SEMA3A: variants seen among roughly 807,000 people sequenced by gnomAD.
SEMA3A encodes the protein semaphorin-3A.
A neutral mutation model predicts 97.9 loss-of-function variants in SEMA3A; 29 were observed. That is an observed-to-expected ratio of 0.30 (90% confidence interval 0.22 to 0.40). The LOEUF (loss-of-function observed/expected upper bound fraction) is 0.40, where lower values mean the gene tolerates loss of function less well. SEMA3A is among the 10% of genes least tolerant of loss of function. SEMA3A has a pLI of 1.00. For missense variants in SEMA3A, 763 were observed against 951.3 expected, an observed-to-expected ratio of 0.80 and a Z score of 2.60; for synonymous variants, 321 against 323.7, an observed-to-expected ratio of 0.99 and a Z score of 0.09.
At chr7:84,378,485 C>A (rs904153139) in intron 1 of SEMA3A, among the ~76,000 whole-genome samples, 16 of 152,230 alleles carry the variant, frequency 1.1e-4, no homozygotes, top group Middle Eastern at 3.4e-3. Context: ...CACATGTTCT[C>A]ACTCATAAGT....
chr7:84,207,805 C>T (rs922099601), intron 3 of SEMA3A, among the ~76,000 whole-genome samples: 10 of 151,926 alleles, frequency 6.6e-5, no homozygotes, highest in Admixed American at 3.9e-4. Flanking sequence ...CTATGGGAGG[C>T]GGGTTTCCCT....
chr7:84,316,496 A>T (rs927736349), intron 2 of SEMA3A, among the ~76,000 whole-genome samples: 12 of 152,142 alleles, frequency 7.9e-5, no homozygotes, highest in Admixed American at 3.3e-4. Flanking sequence ...TAGTTTTTGG[A>T]TCATACATAG....
At position 84,155,139 on chromosome 7, in the gene SEMA3A, G is replaced by A. The variant is rs62476998; in HGVS notation, c.113-20188C>T. ...GACTAAGTCGAGGTTTTCTCCTCAG[G>A]ATATGAACCAGTGACCTTATACTTC... On this transcript the variant is annotated intron_variant, in intron 1 of 16. Transcript: ENST00000265362. Among the ~76,000 whole-genome samples, 1,223 of 152,166 alleles carry A rather than the reference G, an allele frequency of 8.0e-3. 9 individuals carry two copies. Among genetic ancestry groups the A allele is most frequent in the Non-Finnish European group, 0.013 (865 of 68,002 alleles).
intron 3 of SEMA3A, among the ~76,000 whole-genome samples, chr7:84,269,155 C>T (rs2115695312): frequency 6.6e-6 from 1 of 152,168 alleles, no homozygotes; most frequent in African/African-American, 2.4e-5. Flanking sequence ...GTTTATATCT[C>T]ATATGTATAC....
chr7:84,333,279 T>C (rs1054408205), intron 2 of SEMA3A, among the ~76,000 whole-genome samples: 5 of 152,156 alleles, frequency 3.3e-5, no homozygotes, highest in African/African-American at 1.2e-4. Context: ...TCACCTCTGC[T>C]AGATTGTACA....
chr7:83,971,871 C>G (rs1303624726), intron 15 of SEMA3A, among the ~76,000 whole-genome samples: 2 of 151,946 alleles, frequency 1.3e-5, no homozygotes, highest in Non-Finnish European at 2.9e-5. Context: ...GTCTTTGGTG[C>G]TGGGAAGTAA....
intron 1 of SEMA3A, among the ~76,000 whole-genome samples, chr7:84,427,382 C>T (rs1804854863): frequency 1.3e-5 from 2 of 152,138 alleles, no homozygotes; most frequent in Admixed American, 6.6e-5. Context: ...ACATGAAAAA[C>T]ATTTTGATGT....
chr7:84,390,931 C>A (rs1803553000), intron 1 of SEMA3A, among the ~76,000 whole-genome samples: 1 of 152,058 alleles, frequency 6.6e-6, no homozygotes, highest in African/African-American at 2.4e-5. Flanking sequence ...TAAAGTTAGA[C>A]CCGAAATGGT....
At chr7:84,293,614 C>T (rs1007726114) in intron 3 of SEMA3A, among the ~76,000 whole-genome samples, 2 of 151,946 alleles carry the variant, frequency 1.3e-5, no homozygotes, top group African/African-American at 4.8e-5. Context: ...GGGGAGAAGT[C>T]ACAGTTCCAT....
chr7:84,135,103 T>C (rs565711063), intron 1 of SEMA3A, 152 bp from the exon 2 acceptor site: 2 of 511,040 alleles, frequency 3.9e-6, no homozygotes, highest in East Asian at 7.0e-5. Flanking sequence ...GGAACCAAAA[T>C]GTGTGCATTT....
chr7:84,154,995 G>A (rs923659906), intron 1 of SEMA3A, among the ~76,000 whole-genome samples: 5 of 152,086 alleles, frequency 3.3e-5, no homozygotes. Context: ...TGTCTAAAGT[G>A]CTTGGGTCCA....
intron 1 of SEMA3A, among the ~76,000 whole-genome samples, chr7:84,413,337 T>C (rs1028684925): frequency 2.2e-4 from 33 of 152,214 alleles, no homozygotes; most frequent in African/African-American, 7.7e-4. Context: ...GAATATACTG[T>C]AGAAAGCAGG....
At chr7:83,967,026 T>C (rs985893551) in intron 15 of SEMA3A, among the ~76,000 whole-genome samples, 4 of 152,154 alleles carry the variant, frequency 2.6e-5, no homozygotes, top group African/African-American at 4.8e-5. Context: ...TAAATTTTTA[T>C]TGGATACAGT....
At chr7:84,457,260 C>A (rs1805708382) in intron 1 of SEMA3A, among the ~76,000 whole-genome samples, 1 of 151,634 alleles carries the variant, frequency 6.6e-6, no homozygotes, top group Admixed American at 6.6e-5. Flanking sequence ...TCATATATAC[C>A]AATACATTCT....
rs1458443893 is a variant in SEMA3A, at chr7:84,136,995, A to C, written c.113-2044T>G. ...AAGGAAGGAAGGAAGGAAGGAAGGA[A>C]GGAAGGAAGGAAAAGAGTTTGTATT... On this transcript the variant is annotated intron_variant, in intron 1 of 16. Coordinates refer to ENST00000265362, the MANE Select transcript of SEMA3A (RefSeq NM_006080.3). 5.9e-5 allele frequency among the ~76,000 whole-genome samples: 9 copies of C among 151,414 alleles called. No homozygotes were observed. In the East Asian group the frequency reaches 1.8e-3, roughly 30 times the overall value.
chr7:84,487,251 T>C (rs1020722372), intron 1 of SEMA3A, among the ~76,000 whole-genome samples: 1 of 152,136 alleles, frequency 6.6e-6, no homozygotes, highest in African/African-American at 2.4e-5. Context: ...GTCTAACTCA[T>C]GTAGGGAAAC....
Position 83,971,193 on chromosome 7 carries a change from G to A in SEMA3A, c.1717+5939C>T, listed in dbSNP as rs151099177. Among the ~76,000 whole-genome samples the A allele has an allele frequency of 8.7e-4, 133 of 152,306 alleles. 2 individuals are homozygous for A. In the East Asian group the frequency reaches 0.015, roughly 18 times the overall value. ...TAACTCCAGCACTTTGGGAGGCTGA[G>A]GAGGGTGGATCACCTGAGGTCAGGA... is the stretch of plus-strand genomic sequence containing the variant. On this transcript the variant is annotated intron_variant, in intron 15 of 16. Coordinates refer to ENST00000265362, the MANE Select transcript of SEMA3A (RefSeq NM_006080.3).
intron 3 of SEMA3A, among the ~76,000 whole-genome samples, chr7:84,290,634 C>T (rs1324223421): frequency 6.6e-6 from 1 of 152,084 alleles, no homozygotes; most frequent in African/African-American, 2.4e-5. Flanking sequence ...TAGCAGTTCT[C>T]TTCTGAAGTA....
intron 1 of SEMA3A, among the ~76,000 whole-genome samples, chr7:84,463,234 ATTC>A (rs1337354999): frequency 3.2e-5 from 2 of 62,064 alleles, no homozygotes; most frequent in Non-Finnish European, 3.3e-5. Flanking sequence ...TTTTGTAACT[ATTC>A]TTTTTTTTTT....
Sources: allele counts gnomAD v4.1 joint callset (sites outside exome capture counted in the v4.1 genomes callset), GRCh38; gene constraint gnomAD v4.1.1; transcripts MANE v1.5; gene names NCBI Gene and HGNC (gene_info 2026-07-23, HGNC 2026-07-21).